HDAC9: variants seen among roughly 807,000 people sequenced by gnomAD.
HDAC9 encodes histone deacetylase 9, also known as MEF-2 interacting transcription repressor (MITR) protein.
In HDAC9, 41 loss-of-function variants were observed where a neutral mutation model predicts 139.4. That is an observed-to-expected ratio of 0.29 (90% CI 0.23 to 0.38). The LOEUF (loss-of-function observed/expected upper bound fraction) is 0.38, where lower values mean the gene tolerates loss of function less well. HDAC9 is among the 10% of genes least tolerant of loss of function. The pLI, the probability that HDAC9 is intolerant of heterozygous loss-of-function variation, is 1.00. For missense variants in HDAC9, 1,147 were observed against 1,297.0 expected, an observed-to-expected ratio of 0.88 and a Z score of 1.78; for synonymous variants, 517 against 476.2, an observed-to-expected ratio of 1.09 and a Z score of -1.12.
chr7:18,270,057 C>G (rs1465331442), intron 2 of HDAC9, among the ~76,000 whole-genome samples: 1 of 152,048 alleles, frequency 6.6e-6, no homozygotes, highest in Non-Finnish European at 1.5e-5. Context: ...TCCCTGGCTT[C>G]TATCTACTGG....
At chr7:18,560,761 T>C (rs1265361077) in intron 2 of HDAC9, among the ~76,000 whole-genome samples, 1 of 151,988 alleles carries the variant, frequency 6.6e-6, no homozygotes, top group Admixed American at 6.6e-5. Context: ...GTGAAGCATT[T>C]TGATGTGGGG....
At chr7:18,530,030 G>T (rs140371560) in intron 2 of HDAC9, among the ~76,000 whole-genome samples, 4 of 152,062 alleles carry the variant, frequency 2.6e-5, no homozygotes, top group South Asian at 2.1e-4. Flanking sequence ...CAGCAATTTG[G>T]GGGGGTGTGG....
At chr7:18,960,067 G>A (rs1462171196) in intron 24 of HDAC9, among the ~76,000 whole-genome samples, 1 of 151,008 alleles carries the variant, frequency 6.6e-6, no homozygotes, top group Non-Finnish European at 1.5e-5. Context: ...GCAATGAGAA[G>A]TGAATTTATA....
chr7:18,717,078 T>C (rs1324462030), intron 12 of HDAC9, among the ~76,000 whole-genome samples: 1 of 147,698 alleles, frequency 6.8e-6, no homozygotes, highest in East Asian at 2.0e-4. Flanking sequence ...GAGAAGAACG[T>C]GAGAAGGAGA....
At chr7:18,744,402 T>A (rs1354161705) in intron 13 of HDAC9, among the ~76,000 whole-genome samples, 1 of 152,190 alleles carries the variant, frequency 6.6e-6, no homozygotes, top group Non-Finnish European at 1.5e-5. Flanking sequence ...GAGAATGCCA[T>A]GTCATATATA....
intron 14 of HDAC9, among the ~76,000 whole-genome samples, chr7:18,760,789 C>A (rs916037327): frequency 6.6e-6 from 1 of 152,226 alleles, no homozygotes; most frequent in African/African-American, 2.4e-5. Context: ...AAGCACAGCT[C>A]GGCCTCCGGC....
intron 1 of HDAC9, among the ~76,000 whole-genome samples, chr7:18,299,317 T>C (rs1194359651): frequency 6.6e-6 from 1 of 151,592 alleles, no homozygotes. Flanking sequence ...TCCAACGTAA[T>C]ATATTCCTTG....
At chr7:18,511,257 A>G (rs1801419252) in intron 2 of HDAC9, among the ~76,000 whole-genome samples, 1 of 152,228 alleles carries the variant, frequency 6.6e-6, no homozygotes, top group Admixed American at 6.5e-5. Context: ...TAGTACCCCT[A>G]GTCTCTCACT....
intron 1 of HDAC9, among the ~76,000 whole-genome samples, chr7:18,388,714 C>A (rs2128721085): frequency 6.6e-6 from 1 of 152,296 alleles, no homozygotes; most frequent in African/African-American, 2.4e-5. Flanking sequence ...CCATCTGAAA[C>A]AACAGACTGG....
intron 2 of HDAC9, among the ~76,000 whole-genome samples, chr7:18,224,464 G>C (rs1179097508): frequency 6.6e-6 from 1 of 152,132 alleles, no homozygotes; most frequent in Non-Finnish European, 1.5e-5. Flanking sequence ...TAGCAACATG[G>C]AAATAGGCAG....
intron 22 of HDAC9, among the ~76,000 whole-genome samples, chr7:18,909,941 G>GGCT (rs1802601598): frequency 6.6e-6 from 1 of 151,590 alleles, no homozygotes; most frequent in African/African-American, 2.4e-5. Flanking sequence ...AGGACTCTTT[G>GGCT]GCTATTTGGG....
At chr7:18,563,225 T>C (rs1325087491) in intron 2 of HDAC9, among the ~76,000 whole-genome samples, 1 of 152,204 alleles carries the variant, frequency 6.6e-6, no homozygotes, top group Non-Finnish European at 1.5e-5. Context: ...AGTGCTATTA[T>C]AATCTCAGTA....
At chr7:18,995,061 T>C (rs749287592) in intron 25 of HDAC9, among the ~76,000 whole-genome samples, 1 of 152,214 alleles carries the variant, frequency 6.6e-6, no homozygotes, top group South Asian at 2.1e-4. Flanking sequence ...TAATGTCTCA[T>C]AGTGTTTATT....
At chr7:18,753,217 G>C (rs1788598976) in intron 14 of HDAC9, among the ~76,000 whole-genome samples, 1 of 151,950 alleles carries the variant, frequency 6.6e-6, no homozygotes, top group African/African-American at 2.4e-5. Flanking sequence ...ATTTCAAAGG[G>C]GTTTTGAGTC....
intron 1 of HDAC9, among the ~76,000 whole-genome samples, chr7:18,304,817 T>C (rs1235845100): frequency 5.3e-5 from 8 of 152,174 alleles, no homozygotes; most frequent in Non-Finnish European, 8.8e-5. Flanking sequence ...CTAAGAGAAA[T>C]TCTCCAGCAG....
intron 1 of HDAC9, among the ~76,000 whole-genome samples, chr7:18,400,010 A>G (rs1787392013): frequency 1.3e-5 from 2 of 152,220 alleles, no homozygotes; most frequent in Non-Finnish European, 1.5e-5. Context: ...ACACTGGCCT[A>G]TTCGCATCAG....
chr7:18,325,874 C>T (rs1329336739), intron 1 of HDAC9, among the ~76,000 whole-genome samples: 3 of 151,974 alleles, frequency 2.0e-5, no homozygotes, highest in African/African-American at 7.2e-5. Flanking sequence ...AGGTCTGTAG[C>T]CTAGGAACAA....
chr7:18,932,741 A>C (rs953284853), intron 22 of HDAC9, among the ~76,000 whole-genome samples: 2 of 151,918 alleles, frequency 1.3e-5, no homozygotes, highest in Admixed American at 1.3e-4. Context: ...AATAAAGGGA[A>C]TTTCCGAAAG....
intron 11 of HDAC9, among the ~76,000 whole-genome samples, chr7:18,662,373 G>A (rs1302358023): frequency 6.6e-6 from 1 of 152,036 alleles, no homozygotes; most frequent in Non-Finnish European, 1.5e-5. Context: ...GATAACTCAA[G>A]AAATTTTATT....
Sources: allele counts gnomAD v4.1 joint callset (sites outside exome capture counted in the v4.1 genomes callset), GRCh38; gene constraint gnomAD v4.1.1; transcripts MANE v1.5; gene names NCBI Gene and HGNC (gene_info 2026-07-23, HGNC 2026-07-21).